The following ADAM9 variants were observed in gnomAD, a reference collection of about 807,000 sequenced individuals.
ADAM9 encodes the protein disintegrin and metalloproteinase domain-containing protein 9.
ADAM9 carries 54 observed loss-of-function variants against 108.1 expected under a neutral mutation model. The ratio of observed to expected loss-of-function variants is 0.50; its 90% CI spans 0.40 to 0.63. The LOEUF (loss-of-function observed/expected upper bound fraction) is 0.63, where lower values mean the gene tolerates loss of function less well. Among genes scored for constraint, ADAM9 ranks in the 20% least tolerant of loss-of-function variants. ADAM9 has a pLI of 0.00. For synonymous variants in ADAM9, 316 were observed against 336.0 expected (o/e 0.94, Z 0.65); for missense variants, 830 against 997.7 (o/e 0.83, Z 2.26).
intron 1 of ADAM9, among the ~76,000 whole-genome samples, chr8:39,004,653 A>G (rs1026367567): frequency 1.1e-4 from 16 of 152,212 alleles, no homozygotes; most frequent in Non-Finnish European, 1.5e-5. Flanking sequence ...TGCTCAGCTG[A>G]GTATACTGAT....
chr8:39,090,195 A>C lies in ADAM9; in HGVS notation c.2210+7A>C. The C allele has an allele frequency of 2.5e-6, 4 of 1,610,302 alleles. No homozygotes were observed. Among genetic ancestry groups the C allele is most frequent in the Non-Finnish European group, 3.4e-6 (4 of 1,177,826 alleles). On this transcript the variant is annotated splice_region_variant and intron_variant, in intron 19 of 21. Coordinates refer to ENST00000487273, the MANE Select transcript of ADAM9 (RefSeq NM_003816.3). ...AGAGATCACAAACATATGAGTACTT[A>C]GATTTTTTTCTTTTAATTCCTATAT...
In ADAM9 at chr8:39,101,844, A is replaced by G; in HGVS notation, c.2299-19A>G. The G allele has an allele frequency of 2.7e-6, 4 of 1,478,310 alleles. No individual in the cohort carries two copies. The highest frequency in any genetic ancestry group is 3.7e-6 in the Non-Finnish European group (4 of 1,073,140). The allele number at this position is 1,478,310 out of a possible 1,614,324, so 91.6% of individuals were successfully genotyped here. On this transcript the variant is annotated intron_variant, in intron 20 of 21. Coordinates refer to ENST00000487273, the MANE Select transcript of ADAM9 (RefSeq NM_003816.3). ...ATGAGCACATAGTGGTAATAACCTT[A>G]TTTTTTTTTTCTTTTTAGCCTATAT...
rs1044278358 is a variant in ADAM9 at position 39,035,815 on chromosome 8, T to TCAAAA, written c.1131-6105_1131-6101dup. On this transcript the variant is annotated intron_variant, in intron 11 of 21. Coordinates refer to ENST00000487273, the MANE Select transcript of ADAM9 (RefSeq NM_003816.3). Reference sequence around the variant, plus strand: ...CTGGGTGACAGAGCGAGACTCTGTCTCAAAACAAAACAAAACAAAACAAAA... The same window carrying TCAAAA: ...CTGGGTGACAGAGCGAGACTCTGTCTCAAAACAAAACAAAACAAAACAAAACAAAA... Among the ~76,000 whole-genome samples, 123 of 152,172 alleles carry TCAAAA rather than the reference T, an allele frequency of 8.1e-4. 2 individuals are homozygous for TCAAAA. The highest frequency in any genetic ancestry group is 2.3e-3 in the African/African-American group (95 of 41,508).
At chr8:39,004,638 C>T (rs181723196) in intron 1 of ADAM9, among the ~76,000 whole-genome samples, 4 of 152,244 alleles carry the variant, frequency 2.6e-5, no homozygotes, top group African/African-American at 7.2e-5. Context: ...AACAGTGGCA[C>T]GGGCTGCTCA....
chr8:39,020,593 GGCTTAAGATGGTTAAA>G (rs1836705295), intron 7 of ADAM9, among the ~76,000 whole-genome samples: 2 of 152,090 alleles, frequency 1.3e-5, no homozygotes, highest in Non-Finnish European at 2.9e-5. Context: ...ATATTTATTT[GGCTTAAGATGGTTAAA>G]CTTTTATATA....
chr8:39,013,442 A>G (rs559106654), intron 3 of ADAM9, among the ~76,000 whole-genome samples: 1 of 151,120 alleles, frequency 6.6e-6, no homozygotes, highest in South Asian at 2.1e-4. Context: ...ATTAAATATT[A>G]TTTATGAATA....
intron 11 of ADAM9, among the ~76,000 whole-genome samples, chr8:39,034,119 C>G (rs1471108989): frequency 6.6e-6 from 1 of 152,100 alleles, no homozygotes. Flanking sequence ...TTTTGAACTC[C>G]TAGGCCTAAG....
intron 1 of ADAM9, among the ~76,000 whole-genome samples, chr8:39,003,429 T>A (rs1290861568): frequency 6.6e-6 from 1 of 151,580 alleles, no homozygotes; most frequent in African/African-American, 2.4e-5. Context: ...TTTTTTTATA[T>A]TAATGTGGAA....
At chr8:39,002,947 C>T (rs1006456195) in intron 1 of ADAM9, among the ~76,000 whole-genome samples, 2 of 151,886 alleles carry the variant, frequency 1.3e-5, no homozygotes, top group East Asian at 3.9e-4. Flanking sequence ...AAGTGGTTCT[C>T]AGCTCACTGC....
intron 11 of ADAM9, among the ~76,000 whole-genome samples, chr8:39,039,435 G>C (rs1350766058): frequency 6.6e-6 from 1 of 152,016 alleles, no homozygotes; most frequent in Non-Finnish European, 1.5e-5. Context: ...ATCTCTTTTA[G>C]CAAAAATCTT....
chr8:39,074,903 CTTTTTTT>C lies in ADAM9; in HGVS notation c.1698-2309_1698-2303del, dbSNP rs1178180888. Among the ~76,000 whole-genome samples, 9 of 113,126 alleles carry C rather than the reference CTTTTTTT, an allele frequency of 8.0e-5. No individual in the cohort carries two copies. The South Asian group carries it at 1.5e-3, about 19-fold the overall frequency. 74.2% of individuals were successfully genotyped at this position (113,126 alleles called of 152,430 possible). A position where few individuals can be genotyped will look rare whatever the true frequency, so the allele number is the denominator to read the frequency against. On this transcript the variant is annotated intron_variant, in intron 15 of 21. Transcript: ENST00000487273. ...TTAAATCAGAAGTTAAGCCCAAAAT[CTTTTTTT>C]TTTTTTTTTTTTTTTGAGTAGAGCC...
At chr8:39,060,449 C>T (rs796721194) in intron 14 of ADAM9, among the ~76,000 whole-genome samples, 10 of 152,178 alleles carry the variant, frequency 6.6e-5, no homozygotes, top group African/African-American at 2.2e-4. Context: ...CAGAGTTATG[C>T]AACCAAATGA....
At chr8:39,095,653 G>A (rs1225852279) in intron 20 of ADAM9, among the ~76,000 whole-genome samples, 1 of 152,098 alleles carries the variant, frequency 6.6e-6, no homozygotes, top group Non-Finnish European at 1.5e-5. Context: ...TTAAAGTCTA[G>A]TTTGAGCCAA....
intron 12 of ADAM9, among the ~76,000 whole-genome samples, chr8:39,047,197 TTGCTAG>T (rs1425752927): frequency 6.6e-6 from 1 of 152,204 alleles, no homozygotes; most frequent in Non-Finnish European, 1.5e-5. Context: ...TGAATTTGGT[TTGCTAG>T]TATTTTGTTG....
chr8:39,004,624 G>A (rs774563894), intron 1 of ADAM9, among the ~76,000 whole-genome samples: 2 of 152,320 alleles, frequency 1.3e-5, no homozygotes, highest in African/African-American at 2.4e-5. Flanking sequence ...TACTCCACGA[G>A]CAGAACAGTG....
At chr8:38,997,311 G>C in intron 1 of ADAM9, 151 bp downstream of exon 1, 2 of 892,282 alleles carry the variant, frequency 2.2e-6, no homozygotes, top group Non-Finnish European at 3.3e-6. Flanking sequence ...TGTGCGGACC[G>C]GGGTCGCACC....
chr8:39,053,073 C>T (rs1037779245), intron 12 of ADAM9, among the ~76,000 whole-genome samples: 2 of 152,068 alleles, frequency 1.3e-5, no homozygotes, highest in Non-Finnish European at 2.9e-5. Context: ...ATTTGCATTT[C>T]CTTAGTAACT....
chr8:39,039,591 C>T (rs1374963249), intron 11 of ADAM9, among the ~76,000 whole-genome samples: 2 of 152,192 alleles, frequency 1.3e-5, no homozygotes, highest in Non-Finnish European at 2.9e-5. Flanking sequence ...TATTTTCTGT[C>T]TCTGGATTTT....
intron 4 of ADAM9, chr8:39,014,253 T>G (rs1194762920): frequency 1.8e-6 from 1 of 571,322 alleles, no homozygotes; most frequent in Non-Finnish European, 3.1e-6. Flanking sequence ...TAGTTAAGGT[T>G]TTTTTTTTAA....
Sources: gnomAD v4.1 joint callset for allele counts (sites outside exome capture counted in the v4.1 genomes callset) on GRCh38, gnomAD v4.1.1 for gene constraint, MANE v1.5 for transcripts, NCBI Gene and HGNC (gene_info 2026-07-23, HGNC 2026-07-21) for gene names.